RBMXL1: variants seen among roughly 807,000 people sequenced by gnomAD.
The protein encoded by RBMXL1 is RNA binding motif protein, X-linked-like-1.
Under a neutral mutation model 29.0 loss-of-function variants are expected in RBMXL1, and 18 were observed. The observed-to-expected ratio is 0.62, with a 90% CI of 0.43 to 0.92. The LOEUF is 0.92. RBMXL1 is among the 40% of genes least tolerant of loss of function. The probability of loss-of-function intolerance (pLI) is 0.00; values close to 1 mark genes in which losing one functional copy is unlikely to be tolerated. For synonymous variants in RBMXL1, 141 were observed against 170.4 expected, an observed-to-expected ratio of 0.83 and a Z score of 1.34; for missense variants, 403 against 495.8, an observed-to-expected ratio of 0.81 and a Z score of 1.78.
At position 88,983,743 on chromosome 1, in the gene RBMXL1, A is replaced by G. The variant is rs1316609939; in HGVS notation, c.84T>C (p.Phe28=). The G allele has an allele frequency of 1.9e-6, 3 of 1,614,062 alleles. No individual in the cohort carries two copies. The highest frequency in any genetic ancestry group is 2.5e-6 in the Non-Finnish European group (3 of 1,179,906). The part of the protein sequence containing the change: ...ETNEKALETV[F]GKYGRIVEVL... ...CTTCCACTATTCGTCCATATTTGCCAAATACTGTTTCAAGAGCTTTCTCAT... is the reference window on the plus strand; with the variant it reads ...CTTCCACTATTCGTCCATATTTGCCGAATACTGTTTCAAGAGCTTTCTCAT... Residue 28 remains phenylalanine (F), a synonymous_variant, in exon 3 of 3, where the codon TTT becomes TTC. Coordinates refer to ENST00000652648, the MANE Select transcript of RBMXL1 (RefSeq NM_001162536.3).
chr1:88,992,225 G>C (rs1391866903), intron 1 of RBMXL1, among the ~76,000 whole-genome samples: 1 of 152,148 alleles, frequency 6.6e-6, no homozygotes. Context: ...TGATCCGCCC[G>C]CCTCGGCCTC....
At position 88,983,709 on chromosome 1, in the gene RBMXL1, T is replaced by C; in HGVS notation, c.118A>G (p.Ile40Val). 6.2e-7 allele frequency: 1 copy of C among 1,613,948 alleles called. No homozygotes were observed. Among genetic ancestry groups the C allele is most frequent in the South Asian group, 1.1e-5 (1 of 91,078 alleles). The change falls in exon 3 of 3, where the codon ATA becomes GTA. Residue 40 changes from isoleucine (I) to valine (V), a missense_variant. By Grantham distance (29) the Ile-to-Val change is conservative. Transcript: ENST00000652648. ...KYGRIVEVLL[I>V]KDRETNKSRG... ...GATTTGTTGGTTTCACGGTCTTTTATCAAGAGTACTTCCACTATTCGTCCA... is the reference window on the plus strand; with the variant it reads ...GATTTGTTGGTTTCACGGTCTTTTACCAAGAGTACTTCCACTATTCGTCCA...
At position 88,979,661 on chromosome 1, in the gene RBMXL1, C is replaced by T. The variant is rs969527339; in HGVS notation, c.*2993G>A. ...ACCACAATGAGATACCACTAGATTC[C>T]CATCAGAATGGCTGAAAACTGAGTG... On this transcript the variant is annotated 3_prime_UTR_variant, in exon 3 of 3. Transcript: ENST00000652648. The T allele has an allele frequency of 2.0e-5, 3 of 152,154 alleles. No homozygotes were observed. Among genetic ancestry groups the T allele is most frequent in the African/African-American group, 7.2e-5 (3 of 41,436 alleles). The allele number at this position is 152,154 out of a possible 1,614,324, so 9.4% of individuals were successfully genotyped here. A position where few individuals can be genotyped will look rare whatever the true frequency, so the allele number is the denominator to read the frequency against.
chr1:88,983,811 G>C lies in RBMXL1; in HGVS notation c.16C>G (p.Arg6Gly). ...CCACCAATGAAGAGCTTTCCTGGGC[G>C]ATCTGCTTCAACCATTTTTTTTTTT... is the stretch of plus-strand genomic sequence containing the variant. MVEAD[R>G]PGKLFIGGLN... Residue 6 changes from arginine (R) to glycine (G), a missense_variant, in exon 3 of 3, where the codon CGC becomes GGC. Arg to Gly is a moderately radical substitution (Grantham distance 125, BLOSUM62 -2). Transcript: ENST00000652648. 6.2e-7 allele frequency: 1 copy of C among 1,610,926 alleles called. No individual in the cohort carries two copies. The highest frequency in any genetic ancestry group is 1.1e-5 in the South Asian group (1 of 91,066).
At position 88,983,356 on chromosome 1, in the gene RBMXL1, A is replaced by G; in HGVS notation, c.471T>C (p.Ser157=). ...LPVKRGPPPR[S]GGPSPKRSAP... is the part of the protein sequence containing the mutation. The stretch of plus-strand genomic sequence containing the variant: ...CAGATCTCTTAGGAGAAGGACCCCC[A>G]CTTCTTGGTGGTGGTCCTCTTTTTA... Residue 157 remains serine (S), a synonymous_variant, in exon 3 of 3, where the codon AGT becomes AGC. Transcript: ENST00000652648. The G allele has an allele frequency of 6.2e-7, 1 of 1,613,518 alleles. No homozygotes were observed. The highest frequency in any genetic ancestry group is 8.5e-7 in the Non-Finnish European group (1 of 1,179,812).
Position 88,983,730 on chromosome 1 carries a change from G to C in RBMXL1, c.97C>G (p.Arg33Gly), listed in dbSNP as rs760882646. ...TTTATCAAGAGTACTTCCACTATTC[G>C]TCCATATTTGCCAAATACTGTTTCA... is the stretch of plus-strand genomic sequence containing the variant. Reference protein sequence around the residue: ...ALETVFGKYGRIVEVLLIKDR... With the variant: ...ALETVFGKYGGIVEVLLIKDR... The change falls in exon 3 of 3, where the codon CGA becomes GGA. Residue 33 changes from arginine to glycine, a missense_variant. By Grantham distance (125) the Arg-to-Gly change is moderately radical (BLOSUM62 -2). Coordinates refer to ENST00000652648, the MANE Select transcript of RBMXL1 (RefSeq NM_001162536.3). 1 of 1,613,966 alleles carries C rather than the reference G, an allele frequency of 6.2e-7. No individual in the cohort carries two copies. The highest frequency in any genetic ancestry group is 1.7e-5 in the Admixed American group (1 of 60,018).
intron 1 of RBMXL1, among the ~76,000 whole-genome samples, chr1:88,989,724 C>T (rs1677678635): frequency 1.3e-5 from 2 of 152,192 alleles, no homozygotes; most frequent in South Asian, 4.1e-4. Flanking sequence ...GGTACCAGGC[C>T]TCAATGCCCA....
chr1:88,982,671 C>T lies in RBMXL1; in HGVS notation c.1156G>A (p.Gly386Ser), dbSNP rs1677154911. The change falls in exon 3 of 3, where the codon GGC (glycine) becomes AGC (serine). Residue 386 changes from glycine (G) to serine (S), a missense_variant. Physicochemically the swap from Gly to Ser is moderately conservative, Grantham distance 56. Transcript: ENST00000652648. Reference protein sequence around the residue: ...PGGSRSDRGGGRSRY With the variant: ...PGGSRSDRGGSRSRY The stretch of plus-strand genomic sequence containing the variant: ...GTTTGTTTCTAGTATCTGCTTCTGC[C>T]TCCCCCTCTATCAGATCGGCTTCCT... 6.2e-7 allele frequency: 1 copy of T among 1,607,346 alleles called. No individual in the cohort carries two copies. The highest frequency in any genetic ancestry group is 1.1e-5 in the South Asian group (1 of 90,548).
intron 1 of RBMXL1, among the ~76,000 whole-genome samples, chr1:88,991,160 T>G (rs1474242838): frequency 6.6e-6 from 1 of 152,220 alleles, no homozygotes; most frequent in African/African-American, 2.4e-5. Flanking sequence ...AAAGTATGCT[T>G]GGCAGATTTG....
chr1:88,988,992 A>G (rs1557711236), intron 1 of RBMXL1, among the ~76,000 whole-genome samples: 1 of 152,220 alleles, frequency 6.6e-6, no homozygotes, highest in African/African-American at 2.4e-5. Flanking sequence ...GATATCCGTC[A>G]TGGGTAAATG....
intron 1 of RBMXL1, 43 bp downstream of exon 1, chr1:88,992,542 C>G (rs1677874972): frequency 6.5e-6 from 1 of 152,732 alleles, no homozygotes; most frequent in Admixed American, 6.5e-5. Context: ...CTAGTCAGTC[C>G]GCACGGAAGC....
intron 1 of RBMXL1, among the ~76,000 whole-genome samples, chr1:88,991,827 G>A (rs1677813813): frequency 6.6e-6 from 1 of 152,358 alleles, no homozygotes; most frequent in African/African-American, 2.4e-5. Context: ...TCCCCCTCAG[G>A]TGGCCGCCAA....
intron 2 of RBMXL1, among the ~76,000 whole-genome samples, chr1:88,986,991 T>C (rs1049141817): frequency 6.6e-6 from 1 of 152,210 alleles, no homozygotes; most frequent in African/African-American, 2.4e-5. Flanking sequence ...TAATTAAACA[T>C]AAAGCTACCA....
chr1:88,986,175 C>G (rs1404945576), intron 2 of RBMXL1, among the ~76,000 whole-genome samples: 2 of 132,372 alleles, frequency 1.5e-5, no homozygotes, highest in Non-Finnish European at 3.4e-5. Flanking sequence ...GAGTGAGAGA[C>G]TGTATGAAAA....
intron 1 of RBMXL1, among the ~76,000 whole-genome samples, 154 bp downstream of exon 1, chr1:88,992,431 C>T (rs1677863140): frequency 1.3e-5 from 2 of 152,348 alleles, no homozygotes; most frequent in South Asian, 2.1e-4. Context: ...AACTGCTAAT[C>T]TAGGGCCGAC....
chr1:88,988,987 C>T (rs1677631207), intron 1 of RBMXL1, among the ~76,000 whole-genome samples: 1 of 152,116 alleles, frequency 6.6e-6, no homozygotes, highest in Non-Finnish European at 1.5e-5. Context: ...AAATTGATAT[C>T]CGTCATGGGT....
intron 1 of RBMXL1, among the ~76,000 whole-genome samples, chr1:88,988,834 T>A (rs1677623167): frequency 6.6e-6 from 1 of 152,218 alleles, no homozygotes; most frequent in Non-Finnish European, 1.5e-5. Flanking sequence ...TGATAGTAGG[T>A]CCTTGATAAA....
intron 2 of RBMXL1, among the ~76,000 whole-genome samples, chr1:88,987,154 A>G (rs968146436): frequency 6.6e-6 from 1 of 152,246 alleles, no homozygotes. Flanking sequence ...CCAGATATGT[A>G]GAATTAGAAT....
intron 2 of RBMXL1, 143 bp downstream of exon 2, chr1:88,988,109 C>T (rs1376556300): frequency 8.7e-6 from 5 of 572,726 alleles, no homozygotes; most frequent in Non-Finnish European, 1.6e-5. Context: ...CAATTCTAGT[C>T]AATGACAAGA....
Sources: allele counts gnomAD v4.1 joint callset (sites outside exome capture counted in the v4.1 genomes callset), GRCh38; gene constraint gnomAD v4.1.1; transcripts MANE v1.5; gene names NCBI Gene and HGNC (gene_info 2026-07-23, HGNC 2026-07-21).